The following SNED1 variants were observed in gnomAD, a reference collection of about 807,000 sequenced individuals.
SNED1 encodes sushi, nidogen and EGF-like domain-containing protein 1.
In SNED1, 81 loss-of-function variants were observed where a neutral mutation model predicts 166.7. That is an observed-to-expected ratio of 0.49 (90% CI 0.41 to 0.58). The LOEUF (loss-of-function observed/expected upper bound fraction) is 0.58. Among genes scored for constraint, SNED1 ranks in the 20% least tolerant of loss-of-function variants. The pLI is 0.00. For synonymous variants in SNED1, 762 were observed against 822.0 expected (o/e 0.93, Z 1.25); for missense variants, 1,604 against 2,000.2 (o/e 0.80, Z 3.78).
Position 241,091,853 on chromosome 2 carries a change from CCTGTG to C in SNED1, c.*218_*222del, listed in dbSNP as rs2064029140. 6.6e-6 allele frequency: 1 copy of C among 152,632 alleles called. No individual in the cohort carries two copies. The highest frequency in any genetic ancestry group is 1.5e-5 in the Non-Finnish European group (1 of 68,374). The allele number at this position is 152,632 out of a possible 1,614,324, so 9.5% of individuals were successfully genotyped here. A position where few individuals can be genotyped will look rare whatever the true frequency, so the allele number is the denominator to read the frequency against. On this transcript the variant is annotated 3_prime_UTR_variant, in exon 32 of 32. Transcript: ENST00000310397. The surrounding 1 kb of genome is among the most constrained non-coding windows in gnomAD (Gnocchi z 4.1). ...TGAGAGACCCCTCTGGGACCAACCACCTGTGAGTCCTGCGATGCGTTTAAGCAGCC... is the reference window on the plus strand; with the variant it reads ...TGAGAGACCCCTCTGGGACCAACCACAGTCCTGCGATGCGTTTAAGCAGCC...
rs1180495282 is a variant in SNED1, at chr2:241,065,539, G to T, written c.2954G>T (p.Arg985Leu). 2 of 1,612,878 alleles carry T rather than the reference G, an allele frequency of 1.2e-6. No individual in the cohort carries two copies. The highest frequency in any genetic ancestry group is 1.7e-6 in the Non-Finnish European group (2 of 1,179,852). ...AACATCTCCGTCTTCTCAGTGAAGCGAAACAGTAACAACAAGAATGACATC... is the reference window on the plus strand; with the variant it reads ...AACATCTCCGTCTTCTCAGTGAAGCTAAACAGTAACAACAAGAATGACATC... ...AYNISVFSVK[R>L]NSNNKNDISR... is the part of the protein sequence containing the mutation. Residue 985 changes from arginine to leucine, a missense_variant, in exon 21 of 32, where the codon CGA (arginine) becomes CTA (leucine). Coordinates refer to ENST00000310397, the MANE Select transcript of SNED1 (RefSeq NM_001080437.3).
intron 16 of SNED1, among the ~76,000 whole-genome samples, chr2:241,056,757 A>G (rs1448173133): frequency 6.6e-6 from 1 of 150,790 alleles, no homozygotes; most frequent in Admixed American, 6.6e-5. Flanking sequence ...ATTTTTTTTT[A>G]TATTTAGTAG....
At chr2:241,067,494 G>A (rs191498521) in intron 21 of SNED1, among the ~76,000 whole-genome samples, 42 of 152,342 alleles carry the variant, frequency 2.8e-4, no homozygotes, top group African/African-American at 7.5e-4. Context: ...TCTAAATGGA[G>A]ACTAAGACCC....
At position 241,030,528 on chromosome 2, in the gene SNED1, C is replaced by G; in HGVS notation, c.458C>G (p.Thr153Ser). The change falls in exon 2 of 32, where the codon ACC becomes AGC. Residue 153 changes from threonine (T) to serine (S), a missense_variant. Thr to Ser is a moderately conservative substitution (Grantham distance 58, BLOSUM62 1). This residue lies in a region of SNED1 where 1,237 missense variants were observed against 1,620.8 expected (regional missense o/e 0.76). Transcript: ENST00000310397. ...AATGCCACCTGGGTTTTTGTTGCCA[C>G]CTGGTACCGAGTGACCTTCTTTGGA... is the stretch of plus-strand genomic sequence containing the variant. ...DFNATWVFVATWYRVTFFGGS... is the reference protein window; with the variant it reads ...DFNATWVFVASWYRVTFFGGS... 6.2e-7 allele frequency: 1 copy of G among 1,613,912 alleles called. No homozygotes were observed. The highest frequency in any genetic ancestry group is 1.1e-5 in the South Asian group (1 of 91,088).
Position 240,998,814 on chromosome 2 carries a change from C to A in SNED1, c.-24C>A. 2 of 1,156,212 alleles carry A rather than the reference C, an allele frequency of 1.7e-6. No homozygotes were observed. Among genetic ancestry groups the A allele is most frequent in the Non-Finnish European group, 2.1e-6 (2 of 937,638 alleles). The allele number at this position is 1,156,212 out of a possible 1,614,324, so 71.6% of individuals were successfully genotyped here. ...CCCAGCGCCCTGCTCCGCCAGCGCC[C>A]CGTCCCGCCCGCACACCTCCGCGAT... On this transcript the variant is annotated 5_prime_UTR_variant, in exon 1 of 32. Transcript: ENST00000310397.
chr2:241,048,523 A>G (rs369535534), intron 9 of SNED1, 83 bp downstream of exon 9: 62 of 1,511,256 alleles, frequency 4.1e-5, no homozygotes, highest in Non-Finnish European at 5.4e-5. Flanking sequence ...CATGCAGGAA[A>G]CGCCCCGAAA....
At chr2:241,058,699 G>A (rs1233881768) in intron 16 of SNED1, among the ~76,000 whole-genome samples, 3 of 152,058 alleles carry the variant, frequency 2.0e-5, no homozygotes, top group Non-Finnish European at 4.4e-5. Context: ...GCCTGTAATC[G>A]CAGCACTTTA....
rs754771309 is a variant in SNED1 at position 241,065,330 on chromosome 2, G to A, written c.2745G>A (p.Glu915=). 1.9e-6 allele frequency: 3 copies of A among 1,612,950 alleles called. No homozygotes were observed. The South Asian group carries it at 3.3e-5, about 18-fold the overall frequency. The change falls in exon 21 of 32, where the codon GAG becomes GAA. Residue 915 remains glutamate (E), a synonymous_variant. Coordinates refer to ENST00000310397, the MANE Select transcript of SNED1 (RefSeq NM_001080437.3). The part of the protein sequence containing the change: ...ELFPPTALKM[E]RVEESGVSIS... ...TCCCACCGACGGCCCTCAAGATGGA[G>A]AGAGTGGAGGAGAGTGGGGTCTCTA...
chr2:241,034,803 G>A (rs1470338666), intron 4 of SNED1, 73 bp downstream of exon 4: 1 of 1,436,582 alleles, frequency 7.0e-7, no homozygotes, highest in African/African-American at 1.4e-5. Flanking sequence ...GAGAGGTGGA[G>A]ACGAAGGGGG....
At chr2:241,035,899 G>A (rs2061341240) in intron 4 of SNED1, among the ~76,000 whole-genome samples, 1 of 106,494 alleles carries the variant, frequency 9.4e-6, no homozygotes, top group Admixed American at 9.1e-5. Context: ...GCCATGGGGT[G>A]GGGGGTGCAG....
chr2:241,000,838 G>A (rs1475875570), intron 1 of SNED1, among the ~76,000 whole-genome samples: 1 of 152,244 alleles, frequency 6.6e-6, no homozygotes, highest in South Asian at 2.1e-4. Flanking sequence ...TGCCTGCAGT[G>A]CACTTCACCT....
rs1260318277 is a variant in SNED1, at chr2:241,075,924, T to C, written c.3916+2560T>C. Among the ~76,000 whole-genome samples, 1 of 152,226 alleles carries C rather than the reference T, an allele frequency of 6.6e-6. No individual in the cohort carries two copies. The highest frequency in any genetic ancestry group is 2.4e-5 in the African/African-American group (1 of 41,460). ...ATATGGGTAAACTGGATTTTTCATC[T>C]CTTCATGCTAAAAAGTCCCTTTTTC... On this transcript the variant is annotated intron_variant, in intron 27 of 31. Transcript: ENST00000310397. The surrounding 1 kb of genome is among the most constrained non-coding windows in gnomAD (Gnocchi z 4.8).
At chr2:241,020,110 G>T (rs2060726945) in intron 1 of SNED1, among the ~76,000 whole-genome samples, 1 of 152,164 alleles carries the variant, frequency 6.6e-6, no homozygotes, top group Admixed American at 6.5e-5. Flanking sequence ...AAAACAAAAA[G>T]AACAAAAAAG....
At position 241,006,128 on chromosome 2, in the gene SNED1, T is replaced by C. The variant is rs1279181039; in HGVS notation, c.213+7078T>C. 2.0e-5 allele frequency among the ~76,000 whole-genome samples: 3 copies of C among 152,330 alleles called. No homozygotes were observed. The South Asian group carries it at 6.2e-4, about 32-fold the overall frequency. ...TCCTTCATTTTGAATATTTCTATTG[T>C]TATGTTTTCAAATTCACTGATTTTT... is the stretch of plus-strand genomic sequence containing the variant. On this transcript the variant is annotated intron_variant, in intron 1 of 31. Coordinates refer to ENST00000310397, the MANE Select transcript of SNED1 (RefSeq NM_001080437.3).
chr2:241,046,908 G>A (rs546400302), intron 8 of SNED1, among the ~76,000 whole-genome samples: 32 of 152,266 alleles, frequency 2.1e-4, no homozygotes, highest in African/African-American at 7.7e-4. Flanking sequence ...ACTTTGGGAG[G>A]CCAAGGCAGG....
At chr2:241,044,536 T>C (rs1454303100) in intron 8 of SNED1, among the ~76,000 whole-genome samples, 1 of 151,900 alleles carries the variant, frequency 6.6e-6, no homozygotes, top group Non-Finnish European at 1.5e-5. Flanking sequence ...CAGTGGTGAG[T>C]TTACCATTTT....
intron 30 of SNED1, chr2:241,087,808 G>A (rs1445411291): frequency 2.2e-5 from 17 of 757,988 alleles, no homozygotes; most frequent in African/African-American, 5.4e-5. Flanking sequence ...ATAGCGCGTC[G>A]CTCTTTACTT....
intron 1 of SNED1, among the ~76,000 whole-genome samples, chr2:241,001,558 CGAGGAGTGTGGCGTGCT>C (rs1202643517): frequency 6.6e-5 from 10 of 152,342 alleles, no homozygotes; most frequent in South Asian, 2.1e-4. Flanking sequence ...CGTGGCGCGC[CGAGGAGTGTGGCGTGCT>C]GAGGAGTGTG....
At chr2:241,021,058 C>T (rs1241839308) in intron 1 of SNED1, among the ~76,000 whole-genome samples, 2 of 152,192 alleles carry the variant, frequency 1.3e-5, no homozygotes, top group Non-Finnish European at 2.9e-5. Context: ...ATTCTAGTGC[C>T]TTCTTCCCTA....
Sources: allele counts gnomAD v4.1 joint callset (sites outside exome capture counted in the v4.1 genomes callset), GRCh38; gene constraint gnomAD v4.1.1; regional missense constraint gnomAD v4.1.1; non-coding constraint Gnocchi (gnomAD v3.1); transcripts MANE v1.5; gene names NCBI Gene and HGNC (gene_info 2026-07-23, HGNC 2026-07-21).